PRSS3: variants seen among roughly 807,000 people sequenced by gnomAD.
PRSS3 encodes the protein trypsin-3.
PRSS3 carries 14 observed loss-of-function variants against 20.8 expected under a neutral mutation model. That is an observed-to-expected ratio of 0.67 (90% CI 0.44 to 1.05). The LOEUF is 1.05. Among genes scored for constraint, PRSS3 ranks in the 50% least tolerant of loss-of-function variants. The pLI is 0.00. For synonymous variants in PRSS3, 91 were observed against 117.6 expected (o/e 0.77, Z 1.46); for missense variants, 237 against 306.4 (o/e 0.77, Z 1.69).
At chr9:33,785,327 G>A (rs1456990172) in intron 1 of PRSS3, among the ~76,000 whole-genome samples, 1 of 150,410 alleles carries the variant, frequency 6.6e-6, no homozygotes, top group Non-Finnish European at 1.5e-5. Flanking sequence ...ACAGGCGCCC[G>A]CCACTACGCC....
At chr9:33,791,036 C>T (rs1402349927), upstream of PRSS3, among the ~76,000 whole-genome samples, 4 of 152,052 alleles carry the variant, frequency 2.6e-5, no homozygotes, top group African/African-American at 7.2e-5. Flanking sequence ...GTTTTAGTTG[C>T]GGGGAGGATA....
chr9:33,757,547 T>C (rs1160820829), intron 1 of PRSS3, among the ~76,000 whole-genome samples: 4 of 151,882 alleles, frequency 2.6e-5, no homozygotes, highest in Non-Finnish European at 1.5e-5. Context: ...ATAGGAATGG[T>C]TCCTGCTTTA....
Position 33,795,606 on chromosome 9 carries a change from A to T in PRSS3, c.33A>T (p.Gly11=), listed in dbSNP as rs1824872791. MNPFLILAFV[G]AAVAVPFDDD... ...CATTCCTGATCCTTGCCTTTGTGGG[A>T]GCTGCTGGCGAGTTTCATGACCTGC... The change falls in exon 1 of 5, where the codon GGA becomes GGT. Residue 11 remains glycine, a synonymous_variant. Transcript: ENST00000379405. 3.1e-6 allele frequency: 5 copies of T among 1,614,158 alleles called. No homozygotes were observed. In the African/African-American group the frequency reaches 5.3e-5, roughly 17 times the overall value.
chr9:33,790,708 A>G (rs956667408), upstream of PRSS3, among the ~76,000 whole-genome samples: 6 of 152,232 alleles, frequency 3.9e-5, no homozygotes, highest in Non-Finnish European at 8.8e-5. Flanking sequence ...TCACATGTGC[A>G]TAAATGCATG....
chr9:33,790,667 C>T (rs1587394588), upstream of PRSS3, among the ~76,000 whole-genome samples: 1 of 152,174 alleles, frequency 6.6e-6, no homozygotes, highest in Non-Finnish European at 1.5e-5. Context: ...TTACTGAAAG[C>T]GATGTATGTG....
At chr9:33,770,672 G>A (rs1255448791) in intron 1 of PRSS3, among the ~76,000 whole-genome samples, 2 of 152,190 alleles carry the variant, frequency 1.3e-5, no homozygotes, top group Non-Finnish European at 2.9e-5. Flanking sequence ...GTCCTCATAA[G>A]AACACAGACA....
intron 1 of PRSS3, among the ~76,000 whole-genome samples, chr9:33,783,024 A>G (rs1247796450): frequency 6.6e-6 from 1 of 152,252 alleles, no homozygotes; most frequent in East Asian, 1.9e-4. Flanking sequence ...ACATGGTGAC[A>G]TATTCCACTG....
chr9:33,769,972 A>G (rs1378104125), intron 1 of PRSS3, among the ~76,000 whole-genome samples: 6 of 152,250 alleles, frequency 3.9e-5, no homozygotes, highest in African/African-American at 1.4e-4. Flanking sequence ...ACTGGGCAAC[A>G]TGGTGAAATC....
intron 1 of PRSS3, among the ~76,000 whole-genome samples, chr9:33,779,662 A>C (rs1824090592): frequency 6.6e-6 from 1 of 152,020 alleles, no homozygotes; most frequent in Non-Finnish European, 1.5e-5. Context: ...AGTTCAGGAG[A>C]TCGAGACCAT....
Position 33,798,630 on chromosome 9 carries a change from G to C in PRSS3, c.591+8G>C. ...GGCAAGGATTCCTGCCAGGTGATTT[G>C]ACCCTTTCCCATGCTGAGGCTCCCA... On this transcript the variant is annotated splice_region_variant and intron_variant, in intron 4 of 4. Coordinates refer to ENST00000379405, the MANE Select transcript of PRSS3 (RefSeq NM_002771.4). The C allele has an allele frequency of 6.2e-7, 1 of 1,613,806 alleles. No individual in the cohort carries two copies. The highest frequency in any genetic ancestry group is 8.5e-7 in the Non-Finnish European group (1 of 1,179,878).
upstream of PRSS3, chr9:33,794,973 A>G (rs1393342957): frequency 4.8e-6 from 7 of 1,473,554 alleles, no homozygotes; most frequent in Non-Finnish European, 5.4e-6. Context: ...CCAGAATCCT[A>G]TGGAATGCTA....
At chr9:33,775,610 AAAGTGAAAGAC>A (rs1210261658) in intron 1 of PRSS3, among the ~76,000 whole-genome samples, 1 of 152,190 alleles carries the variant, frequency 6.6e-6, no homozygotes, top group Non-Finnish European at 1.5e-5. Flanking sequence ...AGCCCAGCAA[AAAGTGAAAGAC>A]AAGGGGGACT....
At chr9:33,754,437 CA>C (rs1822848212) in intron 1 of PRSS3, among the ~76,000 whole-genome samples, 1 of 152,144 alleles carries the variant, frequency 6.6e-6, no homozygotes, top group African/African-American at 2.4e-5. Context: ...AGACTTCTTA[CA>C]TGTCATTGGC....
intron 4 of PRSS3, 174 bp downstream of exon 4, chr9:33,798,796 C>G: frequency 8.5e-7 from 1 of 1,175,154 alleles, no homozygotes; most frequent in South Asian, 1.4e-5. Flanking sequence ...CATGGAGAAA[C>G]GAGGAAGGTG....
intron 1 of PRSS3, among the ~76,000 whole-genome samples, chr9:33,788,715 C>T (rs1185297933): frequency 6.6e-6 from 1 of 152,172 alleles, no homozygotes; most frequent in Non-Finnish European, 1.5e-5. Flanking sequence ...GGGGCCAAAA[C>T]TTAAATTGGT....
In PRSS3 at chr9:33,799,165, C is replaced by T. The variant is rs376841271; in HGVS notation, c.729C>T (p.Ile243=). 14 of 1,574,362 alleles carry T rather than the reference C, an allele frequency of 8.9e-6. No homozygotes were observed. Among genetic ancestry groups the T allele is most frequent in the South Asian group, 3.3e-5 (3 of 89,588 alleles). ...ATGTGGACTGGATTAAGGACACCAT[C>T]GCTGCCAACAGCTAAAGCCCCCGGT... ...YNYVDWIKDT[I]AANS Residue 243 remains isoleucine (I), a synonymous_variant, in exon 5 of 5, where the codon ATC becomes ATT. Coordinates refer to ENST00000379405, the MANE Select transcript of PRSS3 (RefSeq NM_002771.4).
chr9:33,756,112 T>C (rs1822933407), intron 1 of PRSS3, among the ~76,000 whole-genome samples: 3 of 152,246 alleles, frequency 2.0e-5, no homozygotes. Context: ...CTTTTTGAGC[T>C]TGTGCCCATT....
intron 1 of PRSS3, among the ~76,000 whole-genome samples, chr9:33,754,186 C>A (rs1277543704): frequency 6.6e-6 from 1 of 152,084 alleles, no homozygotes; most frequent in African/African-American, 2.4e-5. Context: ...GATTCTCTTG[C>A]CTCAGCCTCC....
intron 1 of PRSS3, among the ~76,000 whole-genome samples, chr9:33,774,901 G>A (rs923478296): frequency 2.7e-4 from 41 of 152,088 alleles, no homozygotes; most frequent in African/African-American, 8.9e-4. Flanking sequence ...CAGGAGAATC[G>A]CTTGAATCTG....
Sources: allele counts gnomAD v4.1 joint callset (sites outside exome capture counted in the v4.1 genomes callset), GRCh38; gene constraint gnomAD v4.1.1; transcripts MANE v1.5; gene names NCBI Gene and HGNC (gene_info 2026-07-23, HGNC 2026-07-21).